GLCCI1: variants seen among roughly 807,000 people sequenced by gnomAD.
The protein encoded by GLCCI1 is glucocorticoid-induced transcript 1 protein.
A neutral mutation model predicts 52.2 loss-of-function variants in GLCCI1; 24 were observed. The observed-to-expected ratio is 0.46, with a 90% CI of 0.33 to 0.65. GLCCI1 has a LOEUF of 0.65. GLCCI1 is among the 30% of genes least tolerant of loss of function. The probability of loss-of-function intolerance (pLI) is 0.02; values close to 1 mark genes in which losing one functional copy is unlikely to be tolerated. For missense variants in GLCCI1, 704 were observed against 701.5 expected (o/e 1.00, Z -0.04); for synonymous variants, 310 against 276.5 (o/e 1.12, Z -1.20).
At chr7:7,976,701 C>G (rs58707745) in intron 1 of GLCCI1, among the ~76,000 whole-genome samples, 7,109 of 151,408 alleles carry the variant, frequency 0.047, 293 homozygotes, top group East Asian at 0.18. Context: ...GGCTTGAGTT[C>G]AGGATTTCAA....
intron 6 of GLCCI1, among the ~76,000 whole-genome samples, chr7:8,073,781 G>A (rs1782817507): frequency 6.6e-6 from 1 of 152,088 alleles, no homozygotes; most frequent in African/African-American, 2.4e-5. Context: ...ACATTTCTCT[G>A]TTTTCTACAA....
chr7:8,035,552 G>A (rs1380650344), intron 3 of GLCCI1, among the ~76,000 whole-genome samples: 3 of 152,222 alleles, frequency 2.0e-5, no homozygotes, highest in East Asian at 1.9e-4. Context: ...TGAAAGGTGG[G>A]GCACCTCCCC....
intron 6 of GLCCI1, among the ~76,000 whole-genome samples, chr7:8,081,194 C>T (rs971427190): frequency 2.0e-5 from 3 of 152,128 alleles, no homozygotes; most frequent in African/African-American, 7.2e-5. Flanking sequence ...CTTTACCCCC[C>T]ACCTCCCTAC....
At chr7:8,080,645 A>G (rs897252995) in intron 6 of GLCCI1, among the ~76,000 whole-genome samples, 1 of 151,276 alleles carries the variant, frequency 6.6e-6, no homozygotes, top group Non-Finnish European at 1.5e-5. Context: ...AGAGTACACA[A>G]ATCTATTGAA....
chr7:8,061,938 A>AT (rs1408165933), intron 5 of GLCCI1, among the ~76,000 whole-genome samples: 39 of 152,164 alleles, frequency 2.6e-4, no homozygotes, highest in Non-Finnish European at 3.5e-4. Context: ...ACGTGCTTGG[A>AT]TTACAGGCAT....
intron 6 of GLCCI1, among the ~76,000 whole-genome samples, chr7:8,080,924 T>A (rs978393803): frequency 6.7e-6 from 1 of 149,374 alleles, no homozygotes; most frequent in Non-Finnish European, 1.5e-5. Context: ...TCCTCCCGCC[T>A]CAGCCTCCCT....
chr7:8,074,598 T>A (rs544523101), intron 6 of GLCCI1, among the ~76,000 whole-genome samples: 1 of 152,118 alleles, frequency 6.6e-6, no homozygotes, highest in East Asian at 1.9e-4. Context: ...GACAAGAGGA[T>A]CACTTGAACT....
intron 1 of GLCCI1, among the ~76,000 whole-genome samples, chr7:8,001,892 A>G (rs1781056689): frequency 6.6e-6 from 1 of 152,204 alleles, no homozygotes; most frequent in Admixed American, 6.5e-5. Flanking sequence ...TGGGAATTGA[A>G]CAATGAGAAC....
intron 1 of GLCCI1, among the ~76,000 whole-genome samples, chr7:7,978,120 C>T (rs1248578828): frequency 6.6e-6 from 1 of 152,150 alleles, no homozygotes; most frequent in Non-Finnish European, 1.5e-5. Context: ...CATCATTGGG[C>T]CTTCCCTTTG....
intron 2 of GLCCI1, among the ~76,000 whole-genome samples, chr7:8,004,987 C>T (rs548699281): frequency 7.4e-4 from 113 of 152,306 alleles, no homozygotes; most frequent in African/African-American, 2.5e-3. Context: ...GTGAAATTGG[C>T]TTCTTCTTTA....
chr7:8,069,619 C>G (rs1436801843), intron 5 of GLCCI1, among the ~76,000 whole-genome samples: 1 of 152,140 alleles, frequency 6.6e-6, no homozygotes, highest in Non-Finnish European at 1.5e-5. Context: ...GTGAGTATGT[C>G]ATGCTAGCAG....
In GLCCI1 at chr7:7,970,073, A is replaced by G. The variant is rs189087899; in HGVS notation, c.457+266A>G. 2.6e-3 allele frequency among the ~76,000 whole-genome samples: 403 copies of G among 152,226 alleles called. 1 individual carries two copies. The highest frequency in any genetic ancestry group is 9.1e-3 in the African/African-American group (376 of 41,536). ...AGGTTTTTCAGTTTAAGAGCTGGCT[A>G]GCTCATTCGTGTGTTTGCCGTTTGT... is the stretch of plus-strand genomic sequence containing the variant. On this transcript the variant is annotated intron_variant, in intron 1 of 7. Coordinates refer to ENST00000223145, the MANE Select transcript of GLCCI1 (RefSeq NM_138426.4).
chr7:7,997,926 CAAATAAATAAATAAATAAATAAATAAAT>C (rs55772533), intron 1 of GLCCI1, among the ~76,000 whole-genome samples: 1 of 139,200 alleles, frequency 7.2e-6, no homozygotes. Context: ...GACTCTGTCT[CAAATAAATAAATAAATAAATAAATAAAT>C]AAATAAATAA....
At chr7:8,082,764 G>T (rs1783022279) in intron 6 of GLCCI1, among the ~76,000 whole-genome samples, 1 of 152,102 alleles carries the variant, frequency 6.6e-6, no homozygotes, top group African/African-American at 2.4e-5. Flanking sequence ...AATATTTTAA[G>T]AAGAAAAATT....
chr7:8,048,768 A>G (rs939734624), intron 3 of GLCCI1, among the ~76,000 whole-genome samples: 3 of 152,188 alleles, frequency 2.0e-5, no homozygotes, highest in Non-Finnish European at 4.4e-5. Context: ...GCAAGTGTCA[A>G]GAACATCAAA....
rs1583931498 is a variant in GLCCI1, at chr7:7,969,273, C to T, written c.-78C>T. ...TTACACACTCGCACGCACTATCGCG[C>T]CGGCTCCCACACGCTCGCGCGCCTC... On this transcript the variant is annotated 5_prime_UTR_variant, in exon 1 of 8. Transcript: ENST00000223145. This position sits in a 1 kb window ranked among gnomAD's most constrained non-coding sequence, Gnocchi z 4.9. 7.9e-7 allele frequency: 1 copy of T among 1,264,398 alleles called. No individual in the cohort carries two copies. Among genetic ancestry groups the T allele is most frequent in the East Asian group, 4.1e-5 (1 of 24,180 alleles). 78.3% of individuals were successfully genotyped at this position (1,264,398 alleles called of 1,614,324 possible).
chr7:8,068,427 A>G (rs776696981), intron 5 of GLCCI1, among the ~76,000 whole-genome samples: 1 of 152,188 alleles, frequency 6.6e-6, no homozygotes, highest in African/African-American at 2.4e-5. Flanking sequence ...AGCTTGGTCT[A>G]TTCTGCTATT....
intron 3 of GLCCI1, among the ~76,000 whole-genome samples, chr7:8,028,040 T>G (rs1161228728): frequency 6.6e-6 from 1 of 152,228 alleles, no homozygotes; most frequent in East Asian, 1.9e-4. Context: ...ACTTTCAGTA[T>G]TAGACAGATC....
intron 4 of GLCCI1, 84 bp downstream of exon 4, chr7:8,055,633 C>A (rs1160219518): frequency 7.2e-6 from 6 of 833,632 alleles, no homozygotes; most frequent in Non-Finnish European, 8.0e-6. Context: ...TTTAAAAAAA[C>A]CCATAAATAT....
Sources: gnomAD v4.1 joint callset for allele counts (sites outside exome capture counted in the v4.1 genomes callset) on GRCh38, gnomAD v4.1.1 for gene constraint, Gnocchi (gnomAD v3.1) non-coding constraint, MANE v1.5 for transcripts, NCBI Gene and HGNC (gene_info 2026-07-23, HGNC 2026-07-21) for gene names.